SLC1A2: variants seen among roughly 807,000 people sequenced by gnomAD.
SLC1A2 encodes excitatory amino acid transporter 2.
In SLC1A2, 15 loss-of-function variants were observed where a neutral mutation model predicts 48.8. The observed-to-expected ratio is 0.31, with a 90% confidence interval of 0.21 to 0.47. SLC1A2 has a LOEUF of 0.47. SLC1A2 is among the 20% of genes least tolerant of loss of function. The pLI, the probability that SLC1A2 is intolerant of heterozygous loss-of-function variation, is 0.99. For missense variants in SLC1A2, 502 were observed against 730.5 expected (o/e 0.69, Z 3.61); for synonymous variants, 279 against 272.6 (o/e 1.02, Z -0.23).
chr11:35,303,633 C>T (rs796595971), intron 5 of SLC1A2, among the ~76,000 whole-genome samples: 1 of 151,980 alleles, frequency 6.6e-6, no homozygotes, highest in South Asian at 2.1e-4. Context: ...AGAAAATGCC[C>T]GAGGTATCAA....
chr11:35,395,026 GTGCTCCTGGCCA>G (rs1485413416), intron 1 of SLC1A2, among the ~76,000 whole-genome samples: 5 of 152,052 alleles, frequency 3.3e-5, no homozygotes, highest in Non-Finnish European at 7.4e-5. Context: ...TTCCCCACTG[GTGCTCCTGGCCA>G]TGCTATCCAT....
intron 1 of SLC1A2, among the ~76,000 whole-genome samples, chr11:35,364,322 T>G (rs1302420361): frequency 6.6e-6 from 1 of 152,236 alleles, no homozygotes; most frequent in Non-Finnish European, 1.5e-5. Flanking sequence ...TCTACCCATG[T>G]AGACTCACAC....
At chr11:35,294,596 C>A (rs956437093) in intron 6 of SLC1A2, among the ~76,000 whole-genome samples, 4 of 152,124 alleles carry the variant, frequency 2.6e-5, no homozygotes, top group African/African-American at 9.7e-5. Flanking sequence ...TCCCAAGCAC[C>A]AAGCACCCTT....
rs752687002 is a variant in SLC1A2, at chr11:35,265,662, G to C, written c.1518C>G (p.Ser506=). ...LSKSELDTID[S]QHRVHEDIEM... is the part of the protein sequence containing the mutation. ...CAATATCTTCATGCACTCGATGCTG[G>C]GAGTCAATGGTATCCAGCTCAGACT... The change falls in exon 10 of 11, where the codon TCC becomes TCG. Residue 506 remains serine (S), a synonymous_variant. Coordinates refer to ENST00000278379, the MANE Select transcript of SLC1A2 (RefSeq NM_004171.4). 3.7e-6 allele frequency: 6 copies of C among 1,613,138 alleles called. No homozygotes were observed. The African/African-American group carries it at 8.0e-5, about 22-fold the overall frequency.
At chr11:35,305,993 T>C (rs369064898) in intron 5 of SLC1A2, 81 bp downstream of exon 5, 1 of 1,303,704 alleles carries the variant, frequency 7.7e-7, no homozygotes. Flanking sequence ...GACAGCTGAG[T>C]CATCAGTTTT....
intron 6 of SLC1A2, chr11:35,299,183 C>T (rs948377471): frequency 6.6e-6 from 1 of 152,040 alleles, no homozygotes; most frequent in African/African-American, 2.4e-5. Flanking sequence ...ACTAAAGATA[C>T]AAAAAATTAG....
At chr11:35,370,587 C>G (rs561178203) in intron 1 of SLC1A2, among the ~76,000 whole-genome samples, 1 of 152,114 alleles carries the variant, frequency 6.6e-6, no homozygotes, top group East Asian at 1.9e-4. Context: ...AGGAGAAGCC[C>G]AAAGAACAGA....
intron 1 of SLC1A2, among the ~76,000 whole-genome samples, chr11:35,391,892 A>C (rs554392323): frequency 6.6e-6 from 1 of 151,924 alleles, no homozygotes; most frequent in East Asian, 1.9e-4. Flanking sequence ...ACTTTGGGGG[A>C]AAAAGGAGCG....
intron 1 of SLC1A2, among the ~76,000 whole-genome samples, chr11:35,375,665 G>T (rs1451963682): frequency 6.6e-6 from 1 of 152,138 alleles, no homozygotes; most frequent in Non-Finnish European, 1.5e-5. Flanking sequence ...CTGCAAAGTC[G>T]TCACTCTGGT....
intron 1 of SLC1A2, chr11:35,374,375 C>G (rs1854154025): frequency 1.3e-6 from 1 of 760,188 alleles, no homozygotes; most frequent in African/African-American, 1.8e-5. Context: ...TGGAGAATTA[C>G]AGAGACCTGG....
chr11:35,271,749 G>A (rs576387469), intron 9 of SLC1A2, among the ~76,000 whole-genome samples: 9 of 152,202 alleles, frequency 5.9e-5, no homozygotes, highest in African/African-American at 2.2e-4. Flanking sequence ...AGGCTGAGGT[G>A]GGAGAATCGC....
chr11:35,322,589 C>T (rs1373683139), intron 1 of SLC1A2: 9 of 1,534,562 alleles, frequency 5.9e-6, no homozygotes, highest in African/African-American at 1.4e-5. Flanking sequence ...CATCTAACCT[C>T]TCCTCCCTGG....
chr11:35,296,835 G>C (rs557491560), intron 6 of SLC1A2, among the ~76,000 whole-genome samples: 1 of 152,094 alleles, frequency 6.6e-6, no homozygotes, highest in South Asian at 2.1e-4. Context: ...TCTCGCTATT[G>C]CACGGCACTT....
chr11:35,264,410 A>C (rs915722282), intron 10 of SLC1A2, among the ~76,000 whole-genome samples: 2 of 152,256 alleles, frequency 1.3e-5, no homozygotes, highest in African/African-American at 4.8e-5. Flanking sequence ...GGCTGGGTTC[A>C]GCTTGTCCTC....
chr11:35,329,938 C>T (rs1052049179), intron 1 of SLC1A2, among the ~76,000 whole-genome samples: 1 of 152,204 alleles, frequency 6.6e-6, no homozygotes, highest in South Asian at 2.1e-4. Context: ...CCACAACACT[C>T]TCACAAGATA....
Position 35,306,719 on chromosome 11 carries a change from C to A in SLC1A2, c.562-477G>T, listed in dbSNP as rs77749231. ...ACTCACCCTTCCTAGCCTCTGTTATCTATTTTTCCACTATTTTTCCATGTG... is the reference window on the plus strand; with the variant it reads ...ACTCACCCTTCCTAGCCTCTGTTATATATTTTTCCACTATTTTTCCATGTG... On this transcript the variant is annotated intron_variant, in intron 4 of 10. Coordinates refer to ENST00000278379, the MANE Select transcript of SLC1A2 (RefSeq NM_004171.4). Among the ~76,000 whole-genome samples the A allele has an allele frequency of 1.2e-3, 176 of 152,274 alleles. 4 individuals carry two copies. In the East Asian group the frequency reaches 0.029, roughly 25 times the overall value.
chr11:35,338,889 G>A (rs1213029618), intron 1 of SLC1A2, among the ~76,000 whole-genome samples: 1 of 152,172 alleles, frequency 6.6e-6, no homozygotes, highest in Non-Finnish European at 1.5e-5. Flanking sequence ...AAGTGGCAGA[G>A]GCTAGGACCC....
At chr11:35,346,206 T>A (rs1853027151) in intron 1 of SLC1A2, among the ~76,000 whole-genome samples, 1 of 152,216 alleles carries the variant, frequency 6.6e-6, no homozygotes, top group Non-Finnish European at 1.5e-5. Flanking sequence ...ATCCCTCCCC[T>A]AGACCCATGT....
At chr11:35,310,759 G>T (rs1187046327) in intron 4 of SLC1A2, among the ~76,000 whole-genome samples, 2 of 152,156 alleles carry the variant, frequency 1.3e-5, no homozygotes, top group African/African-American at 2.4e-5. Flanking sequence ...TGGCCTTGGG[G>T]CTAGAAAACA....
Sources: gnomAD v4.1 joint callset for allele counts (sites outside exome capture counted in the v4.1 genomes callset) on GRCh38, gnomAD v4.1.1 for gene constraint, MANE v1.5 for transcripts, NCBI Gene and HGNC (gene_info 2026-07-23, HGNC 2026-07-21) for gene names.